The following SHKBP1 variants were observed in gnomAD, a reference collection of about 807,000 sequenced individuals.
The protein encoded by SHKBP1 is SH3KBP1 binding protein 1.
Under a neutral mutation model 83.9 loss-of-function variants are expected in SHKBP1, and 71 were observed. The ratio of observed to expected loss-of-function variants is 0.85; its 90% CI spans 0.70 to 1.03. SHKBP1 has a LOEUF of 1.03. Ranked by LOEUF, SHKBP1 falls within the 50% of genes least tolerant of loss-of-function variation. SHKBP1 has a pLI of 0.00. For synonymous variants in SHKBP1, 371 were observed against 398.0 expected (o/e 0.93, Z 0.81); for missense variants, 824 against 982.4 (o/e 0.84, Z 2.16).
chr19:40,585,550 T>TTTTTTTTC (rs398034634), intron 12 of SHKBP1: 18 of 144,706 alleles, frequency 1.2e-4, no homozygotes, highest in East Asian at 2.0e-4. Context: ...TTTTTTTTTT[T>TTTTTTTTC]GTCTTTTCCT....
rs1056249959 is a variant in SHKBP1 at position 40,590,558 on chromosome 19, C to T, written c.1768+136C>T. 2.4e-5 allele frequency: 30 copies of T among 1,264,384 alleles called. No homozygotes were observed. The highest frequency in any genetic ancestry group is 3.1e-5 in the Non-Finnish European group (28 of 909,900). The allele number at this position is 1,264,384 out of a possible 1,614,324, so 78.3% of individuals were successfully genotyped here. A position where few individuals can be genotyped will look rare whatever the true frequency, so the allele number is the denominator to read the frequency against. ...TTTCCTTTGACCCCCTCTCTGCTCC[C>T]CATCCCTTCCTGCCCTTGTTTTTCA... On this transcript the variant is annotated intron_variant, in intron 16 of 17. Transcript: ENST00000291842. This position sits in a 1 kb window ranked among gnomAD's most constrained non-coding sequence, Gnocchi z 4.6.
rs1239217321 is a variant in SHKBP1 at position 40,580,854 on chromosome 19, A to G, written c.762A>G (p.Glu254=). ...TARVHGGALG[E]HDKMVAAATG... is the part of the protein sequence containing the mutation. ...GGGTGCATGGTGGGGCTTTGGGTGA[A>G]CATGACAAGATGGTGGCAGCAGCCA... Residue 254 remains glutamate, a synonymous_variant, in exon 9 of 18, where the codon GAA becomes GAG. Coordinates refer to ENST00000291842, the MANE Select transcript of SHKBP1 (RefSeq NM_138392.4). The G allele has an allele frequency of 6.2e-7, 1 of 1,613,336 alleles. No homozygotes were observed. The highest frequency in any genetic ancestry group is 8.5e-7 in the Non-Finnish European group (1 of 1,179,704).
Position 40,578,208 on chromosome 19 carries a change from T to C in SHKBP1, c.315T>C (p.Pro105=), listed in dbSNP as rs1364561373. The C allele has an allele frequency of 6.2e-7, 1 of 1,614,076 alleles. No homozygotes were observed. The highest frequency in any genetic ancestry group is 1.7e-5 in the Admixed American group (1 of 60,010). ...AAGCCCAGTTCTATGGGCTCACTCC[T>C]CTGGGTAAGTGGGAGCCCCCAGCTA... is the stretch of plus-strand genomic sequence containing the variant. ...LHEAQFYGLT[P]LVRRLQLREE... is the part of the protein sequence containing the mutation. Residue 105 remains proline (P), a synonymous_variant, in exon 5 of 18, where the codon CCT becomes CCC. Transcript: ENST00000291842.
intron 13 of SHKBP1, among the ~76,000 whole-genome samples, chr19:40,587,941 C>A (rs1457932234): frequency 6.6e-6 from 1 of 152,088 alleles, no homozygotes; most frequent in Admixed American, 6.6e-5. Context: ...CAACACCAGG[C>A]AATGATAAGG....
In SHKBP1 at chr19:40,590,193, G is replaced by A. The variant is rs749944183; in HGVS notation, c.1590-51G>A. On this transcript the variant is annotated intron_variant, in intron 15 of 17. Transcript: ENST00000291842. This position sits in a 1 kb window ranked among gnomAD's most constrained non-coding sequence, Gnocchi z 4.6. The stretch of plus-strand genomic sequence containing the variant: ...CAGCCACAGTGGTGGGGACTGGGAC[G>A]AGGAAGGGTGAGAAAGCGAGGGTGA... The A allele has an allele frequency of 2.8e-5, 42 of 1,493,840 alleles. No homozygotes were observed. Among genetic ancestry groups the A allele is most frequent in the South Asian group, 1.9e-4 (15 of 78,620 alleles). The allele number at this position is 1,493,840 out of a possible 1,614,324, so 92.5% of individuals were successfully genotyped here.
rs1331461386 is a variant in SHKBP1, at chr19:40,581,233, C to T, written c.844+297C>T. Among the ~76,000 whole-genome samples the T allele has an allele frequency of 4.6e-5, 7 of 152,128 alleles. No homozygotes were observed. In the South Asian group the frequency reaches 8.3e-4, roughly 18 times the overall value. On this transcript the variant is annotated intron_variant, in intron 9 of 17. Transcript: ENST00000291842. ...GCCATGAGAAATGTCTGACTTGGCC[C>T]GGTGCGGTGGCTCATGCTTGTAATC... is the stretch of plus-strand genomic sequence containing the variant.
rs374250744 is a variant in SHKBP1 at position 40,583,427 on chromosome 19, T to C, written c.990T>C (p.Tyr330=). 486 of 1,599,786 alleles carry C rather than the reference T, an allele frequency of 3.0e-4. 3 individuals carry two copies. The highest frequency in any genetic ancestry group is 4.4e-4 in the Admixed American group (25 of 57,362). ...QVQEVQPITS[Y]DAAGSFLLLG... is the part of the protein sequence containing the mutation. ...AGGAGGTGCAGCCCATCACCAGTTA[T>C]GACGCGGCAGGCTCCTTCCTCCTCC... The change falls in exon 11 of 18, where the codon TAT becomes TAC. Residue 330 remains tyrosine, a synonymous_variant. Transcript: ENST00000291842.
intron 4 of SHKBP1, 171 bp from the exon 5 acceptor site, chr19:40,577,983 A>G: frequency 2.9e-6 from 2 of 693,046 alleles, no homozygotes; most frequent in Non-Finnish European, 5.2e-6. Context: ...ACACACACAC[A>G]CACACACACT....
rs35684786 is a variant in SHKBP1 at position 40,577,087 on chromosome 19, GCCC to G, written c.86+111_86+113del. 310 of 1,048,836 alleles carry G rather than the reference GCCC, an allele frequency of 3.0e-4. No individual in the cohort carries two copies. The African/African-American group carries it at 4.6e-3, about 16-fold the overall frequency. 65.0% of individuals were successfully genotyped at this position (1,048,836 alleles called of 1,614,324 possible). A position where few individuals can be genotyped will look rare whatever the true frequency, so the allele number is the denominator to read the frequency against. ...ATCCCTGTCCATCAAGGGTTGCTCC[GCCC>G]CCCCCCCCTTTGGAGGCGCGAGATT... On this transcript the variant is annotated intron_variant, in intron 1 of 17. Transcript: ENST00000291842.
Position 40,580,898 on chromosome 19 carries a change from T to C in SHKBP1, c.806T>C (p.Leu269Pro). ...GCAGCCACCGGCAGCGAGATCCTGC[T>C]ATGGGCTCTGCAGGCGGAAGGCGGT... is the stretch of plus-strand genomic sequence containing the variant. ...VAAATGSEIL[L>P]WALQAEGGGS... Residue 269 changes from leucine (L) to proline (P), a missense_variant, in exon 9 of 18, where the codon CTA (leucine) becomes CCA (proline). By Grantham distance (98) the Leu-to-Pro change is moderately conservative (BLOSUM62 -3). This residue lies in a region of SHKBP1 where 355 missense variants were observed against 386.4 expected (regional missense o/e 0.92). Transcript: ENST00000291842. 1 of 1,603,944 alleles carries C rather than the reference T, an allele frequency of 6.2e-7. No homozygotes were observed. Among genetic ancestry groups the C allele is most frequent in the Non-Finnish European group, 8.5e-7 (1 of 1,174,198 alleles).
At position 40,578,787 on chromosome 19, in the gene SHKBP1, G is replaced by A. The variant is rs814518; in HGVS notation, c.400+245G>A. On this transcript the variant is annotated intron_variant, in intron 6 of 17. Transcript: ENST00000291842. ...TGGAGCCCCATGGGAGTTGTAGTCC[G>A]GGTTTGGTTTCTTTGTAGGGGGGGC... is the stretch of plus-strand genomic sequence containing the variant. Among the ~76,000 whole-genome samples the A allele has an allele frequency of 0.33, 50,477 of 151,916 alleles. 8,550 individuals are homozygous for A. The highest frequency in any genetic ancestry group is 0.39 in the African/African-American group (16,006 of 41,398).
intron 12 of SHKBP1, among the ~76,000 whole-genome samples, chr19:40,585,035 A>C (rs1254899111): frequency 6.6e-6 from 1 of 152,140 alleles, no homozygotes; most frequent in African/African-American, 2.4e-5. Flanking sequence ...GAAGATTTAC[A>C]GTTTAGTTTT....
In SHKBP1 at chr19:40,578,554, C is replaced by G; in HGVS notation, c.400+12C>G. 1 of 1,603,808 alleles carries G rather than the reference C, an allele frequency of 6.2e-7. No individual in the cohort carries two copies. The highest frequency in any genetic ancestry group is 8.5e-7 in the Non-Finnish European group (1 of 1,174,650). The stretch of plus-strand genomic sequence containing the variant: ...CCTGCCGCCACCAGGTAGGCACTCC[C>G]AATGGAATGGAGGGGCGCGGAGGTG... On this transcript the variant is annotated intron_variant, in intron 6 of 17. Coordinates refer to ENST00000291842, the MANE Select transcript of SHKBP1 (RefSeq NM_138392.4).
At chr19:40,586,207 T>C (rs1006564014) in intron 12 of SHKBP1, among the ~76,000 whole-genome samples, 1 of 152,066 alleles carries the variant, frequency 6.6e-6, no homozygotes, top group African/African-American at 2.4e-5. Context: ...TTATTTGCTG[T>C]TTCACTGTTA....
intron 12 of SHKBP1, among the ~76,000 whole-genome samples, chr19:40,584,839 A>C (rs1049224795): frequency 1.3e-5 from 2 of 152,182 alleles, no homozygotes; most frequent in Non-Finnish European, 2.9e-5. Context: ...GCCAGGCTCA[A>C]TATGCTTCCT....
At chr19:40,580,698 T>G (rs750226511) in intron 8 of SHKBP1, 42 bp downstream of exon 8, 2 of 1,613,862 alleles carry the variant, frequency 1.2e-6, no homozygotes, top group South Asian at 2.2e-5. Context: ...GCCCTGTTGA[T>G]GGGAAGGGCA....
At chr19:40,589,051 T>C in intron 14 of SHKBP1, 31 bp from the exon 15 acceptor site, 1 of 1,598,996 alleles carries the variant, frequency 6.3e-7, no homozygotes, top group Non-Finnish European at 8.5e-7. Flanking sequence ...GAATCCCAGC[T>C]GGCCCTGACC....
Position 40,590,428 on chromosome 19 carries a change from C to A in SHKBP1, c.1768+6C>A. 6.3e-6 allele frequency: 10 copies of A among 1,597,294 alleles called. No individual in the cohort carries two copies. Among genetic ancestry groups the A allele is most frequent in the Non-Finnish European group, 8.5e-6 (10 of 1,171,562 alleles). On this transcript the variant is annotated splice_donor_region_variant and intron_variant, in intron 16 of 17. Coordinates refer to ENST00000291842, the MANE Select transcript of SHKBP1 (RefSeq NM_138392.4). The surrounding 1 kb of genome is among the most constrained non-coding windows in gnomAD (Gnocchi z 4.6). ...CGGCCTCGGCCAGGCCCCTGGTACTCCCTGCCCCACCCCAATCCCGTCCCA... is the reference window on the plus strand; with the variant it reads ...CGGCCTCGGCCAGGCCCCTGGTACTACCTGCCCCACCCCAATCCCGTCCCA...
chr19:40,578,845 G>A (rs2081244705), intron 6 of SHKBP1, among the ~76,000 whole-genome samples: 1 of 152,132 alleles, frequency 6.6e-6, no homozygotes, highest in African/African-American at 2.4e-5. Flanking sequence ...GTATGGAGGG[G>A]AGAAATATTA....
Sources: gnomAD v4.1 joint callset for allele counts (sites outside exome capture counted in the v4.1 genomes callset) on GRCh38, gnomAD v4.1.1 for gene constraint, gnomAD v4.1.1 regional missense constraint, Gnocchi (gnomAD v3.1) non-coding constraint, MANE v1.5 for transcripts, NCBI Gene and HGNC (gene_info 2026-07-23, HGNC 2026-07-21) for gene names.